ARHGAP15: variants seen among roughly 807,000 people sequenced by gnomAD.
ARHGAP15 encodes the protein Rho GTPase activating protein 15.
Under a neutral mutation model 63.7 loss-of-function variants are expected in ARHGAP15, and 51 were observed. The observed-to-expected ratio is 0.80, with a 90% CI of 0.64 to 1.01. The LOEUF is 1.01. Ranked by LOEUF, ARHGAP15 falls within the 50% of genes least tolerant of loss-of-function variation. ARHGAP15 has a pLI of 0.00. For synonymous variants in ARHGAP15, 191 were observed against 193.8 expected (o/e 0.99, Z 0.12); for missense variants, 560 against 564.6 (o/e 0.99, Z 0.08).
At chr2:143,405,313 C>G (rs1320699575) in intron 6 of ARHGAP15, among the ~76,000 whole-genome samples, 1 of 150,230 alleles carries the variant, frequency 6.7e-6, no homozygotes, top group Admixed American at 6.6e-5. Flanking sequence ...TGTTTTGTAT[C>G]GTGGCCTTAA....
At chr2:143,693,972 A>G (rs949817587) in intron 12 of ARHGAP15, among the ~76,000 whole-genome samples, 2 of 152,244 alleles carry the variant, frequency 1.3e-5, no homozygotes, top group African/African-American at 4.8e-5. Flanking sequence ...AAGAACAGAG[A>G]AAGTCTGGAC....
At chr2:143,284,705 C>T (rs1682011329) in intron 6 of ARHGAP15, among the ~76,000 whole-genome samples, 1 of 152,164 alleles carries the variant, frequency 6.6e-6, no homozygotes, top group African/African-American at 2.4e-5. Flanking sequence ...GCTAAACCCA[C>T]AAACCTGAAA....
intron 13 of ARHGAP15, among the ~76,000 whole-genome samples, chr2:143,715,195 A>C (rs1166205139): frequency 6.6e-6 from 1 of 152,188 alleles, no homozygotes; most frequent in Non-Finnish European, 1.5e-5. Flanking sequence ...GAAAATGAGG[A>C]AGATGCAAAC....
chr2:143,292,640 A>C (rs972919036), intron 6 of ARHGAP15, among the ~76,000 whole-genome samples: 1 of 152,062 alleles, frequency 6.6e-6, no homozygotes, highest in Non-Finnish European at 1.5e-5. Context: ...TATAATAGAA[A>C]GGTTGATTTT....
chr2:143,457,423 G>A (rs1056298769), intron 8 of ARHGAP15, among the ~76,000 whole-genome samples: 1 of 151,958 alleles, frequency 6.6e-6, no homozygotes, highest in Non-Finnish European at 1.5e-5. Flanking sequence ...GCATGCACCT[G>A]TAGTCCCAGG....
intron 3 of ARHGAP15, among the ~76,000 whole-genome samples, chr2:143,213,180 G>A (rs1692621967): frequency 6.6e-6 from 1 of 152,152 alleles, no homozygotes; most frequent in Non-Finnish European, 1.5e-5. Context: ...AATTAAAAAT[G>A]TGTTGAAAAG....
chr2:143,212,631 T>C (rs1692604688), intron 3 of ARHGAP15, among the ~76,000 whole-genome samples: 1 of 152,186 alleles, frequency 6.6e-6, no homozygotes, highest in South Asian at 2.1e-4. Flanking sequence ...GAGCTCTAGA[T>C]GACTAGCACG....
intron 12 of ARHGAP15, among the ~76,000 whole-genome samples, chr2:143,626,102 G>A (rs1559087929): frequency 6.6e-6 from 1 of 152,104 alleles, no homozygotes; most frequent in East Asian, 1.9e-4. Flanking sequence ...AGAAATATAG[G>A]CATGGTAAGA....
chr2:143,541,118 T>G (rs1483322382), intron 10 of ARHGAP15, among the ~76,000 whole-genome samples: 1 of 152,202 alleles, frequency 6.6e-6, no homozygotes, highest in African/African-American at 2.4e-5. Context: ...ATGCTTCATT[T>G]CATTTATTTC....
intron 10 of ARHGAP15, among the ~76,000 whole-genome samples, chr2:143,529,891 T>A (rs11889899): frequency 0.36 from 54,455 of 151,992 alleles, 10,328 homozygotes; most frequent in Middle Eastern, 0.46. Context: ...TACAATGGCT[T>A]GTTTCATTAT....
chr2:143,297,191 A>AT (rs1171432114), intron 6 of ARHGAP15, among the ~76,000 whole-genome samples: 1 of 151,972 alleles, frequency 6.6e-6, no homozygotes, highest in African/African-American at 2.4e-5. Flanking sequence ...AAGAGAGGGG[A>AT]TTTAAGCCCA....
At chr2:143,507,744 T>G (rs1271877316) in intron 9 of ARHGAP15, among the ~76,000 whole-genome samples, 1 of 152,214 alleles carries the variant, frequency 6.6e-6, no homozygotes, top group Non-Finnish European at 1.5e-5. Flanking sequence ...TCAGATCCCA[T>G]GTGTCCTCTA....
chr2:143,720,590 A>G (rs1426478581), intron 13 of ARHGAP15, among the ~76,000 whole-genome samples: 2 of 152,122 alleles, frequency 1.3e-5, no homozygotes, highest in Non-Finnish European at 2.9e-5. Context: ...ACTAGGGCGA[A>G]GGGGGATTCG....
At chr2:143,474,121 A>G (rs187298667) in intron 8 of ARHGAP15, among the ~76,000 whole-genome samples, 9 of 152,318 alleles carry the variant, frequency 5.9e-5, no homozygotes, top group Admixed American at 3.9e-4. Flanking sequence ...TCTCAGTGAC[A>G]TCTGCATCTG....
chr2:143,182,331 A>G (rs1691271672), intron 2 of ARHGAP15, among the ~76,000 whole-genome samples: 1 of 152,162 alleles, frequency 6.6e-6, no homozygotes, highest in African/African-American at 2.4e-5. Flanking sequence ...GGTATCTCAG[A>G]GAATAGGGAG....
At chr2:143,495,868 G>A (rs746246439) in intron 9 of ARHGAP15, among the ~76,000 whole-genome samples, 5 of 152,198 alleles carry the variant, frequency 3.3e-5, no homozygotes, top group Admixed American at 6.5e-5. Context: ...ATCAGTGTTA[G>A]TCTGAGAATA....
intron 6 of ARHGAP15, among the ~76,000 whole-genome samples, chr2:143,386,439 G>A (rs1687290856): frequency 6.6e-6 from 1 of 152,134 alleles, no homozygotes; most frequent in Non-Finnish European, 1.5e-5. Flanking sequence ...AGCACAACTT[G>A]TCTTGGATTA....
At chr2:143,458,176 G>A (rs1407347944) in intron 8 of ARHGAP15, among the ~76,000 whole-genome samples, 3 of 152,068 alleles carry the variant, frequency 2.0e-5, no homozygotes, top group Non-Finnish European at 4.4e-5. Context: ...AAGGTCCCAG[G>A]TCTAAAGATT....
intron 12 of ARHGAP15, among the ~76,000 whole-genome samples, chr2:143,653,296 A>G (rs1303882751): frequency 9.2e-5 from 14 of 152,126 alleles, no homozygotes; most frequent in Admixed American, 8.5e-4. Context: ...ATCTATATTT[A>G]TAAAGCATAT....
Sources: allele counts gnomAD v4.1 joint callset (sites outside exome capture counted in the v4.1 genomes callset), GRCh38; gene constraint gnomAD v4.1.1; transcripts MANE v1.5; gene names NCBI Gene and HGNC (gene_info 2026-07-23, HGNC 2026-07-21).